Variants in TRAK1 observed in about 807,000 individuals in gnomAD.
TRAK1 encodes trafficking kinesin-binding protein 1.
In TRAK1, 33 loss-of-function variants were observed where a neutral mutation model predicts 92.1. The observed-to-expected ratio is 0.36, with a 90% CI of 0.27 to 0.48. The LOEUF (loss-of-function observed/expected upper bound fraction) is 0.48. TRAK1 is among the 20% of genes least tolerant of loss of function. The probability of loss-of-function intolerance (pLI) is 0.99; values close to 1 mark genes in which losing one functional copy is unlikely to be tolerated. For missense variants in TRAK1, 1,123 were observed against 1,257.9 expected, an observed-to-expected ratio of 0.89 and a Z score of 1.62; for synonymous variants, 521 against 517.3, an observed-to-expected ratio of 1.01 and a Z score of -0.10.
In TRAK1 at chr3:42,095,971, C is replaced by T. The variant is rs1373461687; in HGVS notation, c.91+4411C>T. ...TGAGGACAGAGTGAGAAGGTGCCAT[C>T]CGTGAACCAGGAACCAAGCCCTTAC... On this transcript the variant is annotated intron_variant, in intron 1 of 15. Coordinates refer to ENST00000327628, the MANE Select transcript of TRAK1 (RefSeq NM_001042646.3). Among the ~76,000 whole-genome samples the T allele has an allele frequency of 2.0e-5, 3 of 152,302 alleles. No homozygotes were observed. The East Asian group carries it at 5.8e-4, about 29-fold the overall frequency.
intron 1 of TRAK1, among the ~76,000 whole-genome samples, chr3:42,111,573 G>A (rs543178007): frequency 6.6e-6 from 1 of 152,000 alleles, no homozygotes; most frequent in South Asian, 2.1e-4. Context: ...TTTTTTGTAT[G>A]TTTAGTGGAG....
Position 42,223,941 on chromosome 3 carries a change from TCCG to T in TRAK1, c.*207_*209del, listed in dbSNP as rs1244386212. ...GTACATAGGACTTGGAGACCTTGTG[TCCG>T]CCCTGCTCTTTCTTCCGATCCCACA... On this transcript the variant is annotated 3_prime_UTR_variant, in exon 16 of 16. Transcript: ENST00000327628. This position sits in a 1 kb window ranked among gnomAD's most constrained non-coding sequence, Gnocchi z 6.1. 4.2e-5 allele frequency: 28 copies of T among 665,064 alleles called. No individual in the cohort carries two copies. Among genetic ancestry groups the T allele is most frequent in the Non-Finnish European group, 6.6e-5 (25 of 378,984 alleles). The allele number at this position is 665,064 out of a possible 1,614,324, so 41.2% of individuals were successfully genotyped here.
At chr3:42,077,463 A>G (rs1283813583) in intron 1 of TRAK1, among the ~76,000 whole-genome samples, 4 of 152,058 alleles carry the variant, frequency 2.6e-5, no homozygotes, top group Non-Finnish European at 4.4e-5. Context: ...TAATTTTTGT[A>G]TTTTTAGCAG....
intron 1 of TRAK1, among the ~76,000 whole-genome samples, chr3:42,018,284 T>G (rs992545432): frequency 6.6e-6 from 1 of 151,524 alleles, no homozygotes; most frequent in Non-Finnish European, 1.5e-5. Context: ...AAAAAAAATA[T>G]TGCTGTCTGA....
At chr3:42,149,732 C>A in intron 2 of TRAK1, 1 of 1,162,800 alleles carries the variant, frequency 8.6e-7, no homozygotes, top group Non-Finnish European at 1.2e-6. Context: ...GCACCACTGG[C>A]TCTGGCAATT....
intron 1 of TRAK1, among the ~76,000 whole-genome samples, chr3:42,080,119 T>G (rs1234570908): frequency 1.3e-5 from 2 of 152,146 alleles, no homozygotes; most frequent in African/African-American, 4.8e-5. Context: ...TGAGTTTTAG[T>G]TAAGGTTCTG....
At chr3:42,149,987 G>A (rs1326792120) in intron 2 of TRAK1, among the ~76,000 whole-genome samples, 2 of 152,154 alleles carry the variant, frequency 1.3e-5, no homozygotes, top group African/African-American at 2.4e-5. Flanking sequence ...AGGAAACTGG[G>A]GGCTTGGAAT....
chr3:42,070,337 A>G (rs550565328), intron 1 of TRAK1, among the ~76,000 whole-genome samples: 5 of 150,772 alleles, frequency 3.3e-5, no homozygotes, highest in East Asian at 1.9e-4. Flanking sequence ...TTGACAGATA[A>G]CATGATAGTA....
chr3:42,014,303 A>G (rs1439022099), intron 1 of TRAK1, among the ~76,000 whole-genome samples: 2 of 152,122 alleles, frequency 1.3e-5, no homozygotes, highest in Non-Finnish European at 2.9e-5. Context: ...GAGCCCGGAA[A>G]AGTGCCCCTA....
chr3:42,124,611 G>C (rs1045378419), intron 1 of TRAK1, among the ~76,000 whole-genome samples: 2 of 152,208 alleles, frequency 1.3e-5, no homozygotes, highest in Admixed American at 6.5e-5. Context: ...GAGCTATGGG[G>C]TACAGGTGGT....
chr3:42,075,532 G>A (rs1463501027), intron 1 of TRAK1, among the ~76,000 whole-genome samples: 1 of 152,104 alleles, frequency 6.6e-6, no homozygotes, highest in African/African-American at 2.4e-5. Context: ...TTGAATGGTA[G>A]TTCTATTTTA....
intron 2 of TRAK1, among the ~76,000 whole-genome samples, chr3:42,128,423 C>T (rs1332260900): frequency 6.6e-6 from 1 of 152,140 alleles, no homozygotes; most frequent in Non-Finnish European, 1.5e-5. Flanking sequence ...TCTGTGGTTC[C>T]TGTAGTTAGA....
chr3:42,154,929 A>G (rs569461455), intron 2 of TRAK1, among the ~76,000 whole-genome samples: 2 of 152,192 alleles, frequency 1.3e-5, no homozygotes, highest in East Asian at 3.9e-4. Context: ...GAAAGATAGG[A>G]GGATATGGGC....
In TRAK1 at chr3:42,107,529, AAAG is replaced by A. The variant is rs1440827540; in HGVS notation, c.91+15972_91+15974del. Among the ~76,000 whole-genome samples the A allele has an allele frequency of 6.4e-3, 966 of 152,074 alleles. 5 individuals are homozygous for A. Among genetic ancestry groups the A allele is most frequent in the Middle Eastern group, 0.01 (3 of 294 alleles). On this transcript the variant is annotated intron_variant, in intron 1 of 15. Coordinates refer to ENST00000327628, the MANE Select transcript of TRAK1 (RefSeq NM_001042646.3). ...CCGTTTCAAAAAAGAAAAAAAAAAA[AAAG>A]AAATTAATTATTTATAAACAAGAAA...
chr3:42,194,690 C>A, intron 9 of TRAK1, 114 bp from the exon 10 acceptor site: 2 of 1,306,680 alleles, frequency 1.5e-6, no homozygotes, highest in East Asian at 2.5e-5. Context: ...CAGCTGGTTC[C>A]ACACGTGCTG....
intron 1 of TRAK1, among the ~76,000 whole-genome samples, chr3:42,029,788 A>G (rs1007109106): frequency 3.3e-5 from 5 of 152,122 alleles, no homozygotes; most frequent in African/African-American, 1.2e-4. Flanking sequence ...GCCTCAAGTG[A>G]TCCACCCACC....
At chr3:42,211,231 A>G (rs1708992762) in intron 14 of TRAK1, 1 of 985,374 alleles carries the variant, frequency 1.0e-6, no homozygotes. Flanking sequence ...GGTGTCTCCC[A>G]TTCCCCTGGC....
rs17069599 is a variant in TRAK1 at position 42,160,508 on chromosome 3, C to G, written c.287-16306C>G. The G allele has an allele frequency of 1.0e-3, 1,635 of 1,604,358 alleles. 29 individuals are homozygous for G. The East Asian group carries it at 0.03, about 30-fold the overall frequency. On this transcript the variant is annotated intron_variant, in intron 2 of 15. Transcript: ENST00000327628. Reference sequence around the variant, plus strand: ...GTACTTGGCTCAGATTTGATCCTTTCCTTGTTAGTATCTAAATAGGCTTGA... The same window carrying G: ...GTACTTGGCTCAGATTTGATCCTTTGCTTGTTAGTATCTAAATAGGCTTGA...
upstream of TRAK1, among the ~76,000 whole-genome samples, chr3:42,086,396 C>G (rs995312767): frequency 1.3e-5 from 2 of 151,310 alleles, no homozygotes; most frequent in African/African-American, 4.9e-5. Flanking sequence ...ACCTCTGCCT[C>G]CCCGGTTCAA....
Sources: gnomAD v4.1 joint callset for allele counts (sites outside exome capture counted in the v4.1 genomes callset) on GRCh38, gnomAD v4.1.1 for gene constraint, Gnocchi (gnomAD v3.1) non-coding constraint, MANE v1.5 for transcripts, NCBI Gene and HGNC (gene_info 2026-07-23, HGNC 2026-07-21) for gene names.